The following TNRC6C variants were observed in gnomAD, a reference collection of about 807,000 sequenced individuals.
TNRC6C encodes trinucleotide repeat-containing gene 6C protein.
Under a neutral mutation model 153.7 loss-of-function variants are expected in TNRC6C, and 20 were observed. That is an observed-to-expected ratio of 0.13 (90% CI 0.09 to 0.19). The LOEUF (loss-of-function observed/expected upper bound fraction) is 0.19, where lower values mean the gene tolerates loss of function less well. Ranked by LOEUF, TNRC6C falls within the 10% of genes least tolerant of loss-of-function variation. TNRC6C has a pLI of 1.00. For missense variants in TNRC6C, 1,987 were observed against 2,172.0 expected (o/e 0.91, Z 1.69); for synonymous variants, 811 against 841.4 (o/e 0.96, Z 0.63).
intron 1 of TNRC6C, among the ~76,000 whole-genome samples, chr17:77,979,702 A>C (rs968763888): frequency 6.6e-6 from 1 of 152,206 alleles, no homozygotes; most frequent in African/African-American, 2.4e-5. Flanking sequence ...CAAAACTAAT[A>C]CAGACTTGCA....
chr17:77,993,151 G>A (rs981757971), intron 1 of TNRC6C, among the ~76,000 whole-genome samples: 14 of 151,988 alleles, frequency 9.2e-5, no homozygotes, highest in African/African-American at 2.4e-4. Flanking sequence ...TAGTAGAGAC[G>A]GGGTTTTACC....
At chr17:77,976,933 A>AG (rs2071007197) in intron 1 of TNRC6C, among the ~76,000 whole-genome samples, 1 of 80,366 alleles carries the variant, frequency 1.2e-5, no homozygotes, top group Non-Finnish European at 2.7e-5. Flanking sequence ...CCATCTCAGA[A>AG]AAAAAAAAAA....
At chr17:78,051,525 T>G in intron 3 of TNRC6C, 77 bp downstream of exon 5, 11 of 1,299,794 alleles carry the variant, frequency 8.5e-6, no homozygotes, top group East Asian at 2.7e-5. Context: ...TATTCATGAA[T>G]ACTCCGAGTA....
intron 10 of TNRC6C, among the ~76,000 whole-genome samples, chr17:78,081,620 C>T (rs895079829): frequency 6.6e-6 from 1 of 152,154 alleles, no homozygotes; most frequent in African/African-American, 2.4e-5. Flanking sequence ...TCGGGGGTGA[C>T]TCTGCCATAG....
intron 10 of TNRC6C, among the ~76,000 whole-genome samples, chr17:78,081,380 A>G (rs959493971): frequency 2.0e-5 from 3 of 152,150 alleles, no homozygotes; most frequent in Non-Finnish European, 4.4e-5. Flanking sequence ...CTCGCTCTGT[A>G]ATTGTTCAAA....
chr17:78,068,665 G>C (rs1340752482), intron 5 of TNRC6C, among the ~76,000 whole-genome samples: 2 of 152,110 alleles, frequency 1.3e-5, no homozygotes, highest in Admixed American at 6.5e-5. Flanking sequence ...GTGGTGGTGG[G>C]TGCCTGTAAT....
chr17:78,041,735 T>C (rs145057920), intron 2 of TNRC6C, among the ~76,000 whole-genome samples: 62 of 152,358 alleles, frequency 4.1e-4, no homozygotes, highest in African/African-American at 1.4e-3. Flanking sequence ...TTGTAGCATT[T>C]ATCCTGCCCC....
intron 8 of TNRC6C, 111 bp from the exon 11 acceptor site, chr17:78,077,074 A>C: frequency 8.1e-7 from 1 of 1,234,736 alleles, no homozygotes; most frequent in Non-Finnish European, 1.1e-6. Flanking sequence ...CACTTTTTTG[A>C]TCTGTTAATT....
At chr17:78,006,558 CTTCCTTCTTCCTTCTTCCTT>C (rs1309436461) in intron 1 of TNRC6C, among the ~76,000 whole-genome samples, 7 of 127,730 alleles carry the variant, frequency 5.5e-5, no homozygotes, top group African/African-American at 2.1e-4. Flanking sequence ...TCTTCTTCTT[CTTCCTTCTTCCTTCTTCCTT>C]CTTCTTCCTT....
At chr17:78,054,328 G>C (rs150780858) in intron 3 of TNRC6C, among the ~76,000 whole-genome samples, 1 of 152,068 alleles carries the variant, frequency 6.6e-6, no homozygotes, top group East Asian at 1.9e-4. Flanking sequence ...CACCACTGCA[G>C]ACTACTGCAC....
At chr17:78,096,907 G>C (rs1197912318) in intron 16 of TNRC6C, among the ~76,000 whole-genome samples, 1 of 152,222 alleles carries the variant, frequency 6.6e-6, no homozygotes, top group African/African-American at 2.4e-5. Flanking sequence ...GGATTGAGGT[G>C]CCTTAAGGAT....
At chr17:78,023,655 A>C (rs2071878490) in intron 1 of TNRC6C, among the ~76,000 whole-genome samples, 1 of 151,784 alleles carries the variant, frequency 6.6e-6, no homozygotes, top group Non-Finnish European at 1.5e-5. Flanking sequence ...AGATACAAAA[A>C]ATTAGCTGGG....
intron 6 of TNRC6C, 119 bp downstream of exon 8, chr17:78,071,284 G>A: frequency 1.0e-6 from 1 of 1,000,162 alleles, no homozygotes; most frequent in Non-Finnish European, 1.5e-6. Context: ...TGAGGAATGA[G>A]ATATTGACAT....
At chr17:77,978,541 A>G (rs1019766631) in intron 1 of TNRC6C, among the ~76,000 whole-genome samples, 5 of 152,222 alleles carry the variant, frequency 3.3e-5, no homozygotes, top group Non-Finnish European at 5.9e-5. Flanking sequence ...CCAAGATCCT[A>G]GAGAGAAGGG....
chr17:78,077,303 T>A, exon 9 of TNRC6C: 1 of 1,581,308 alleles, frequency 6.3e-7, no homozygotes, highest in Non-Finnish European at 8.6e-7. Flanking sequence ...GCCTCCGGGC[T>A]GGGCATGCAA....
exon 16 of TNRC6C, chr17:78,093,663 C>T (rs545514816): frequency 1.9e-6 from 3 of 1,613,950 alleles, no homozygotes; most frequent in Admixed American, 1.7e-5. Context: ...AGAATATTGA[C>T]CCTGAGAATG....
intron 2 of TNRC6C, among the ~76,000 whole-genome samples, chr17:78,034,145 C>T (rs1342619300): frequency 6.6e-6 from 1 of 152,094 alleles, no homozygotes; most frequent in Non-Finnish European, 1.5e-5. Flanking sequence ...CCTCTGCCTC[C>T]CAGGTTCAAG....
At chr17:78,016,218 C>T (rs566974355) in intron 1 of TNRC6C, among the ~76,000 whole-genome samples, 35 of 152,294 alleles carry the variant, frequency 2.3e-4, no homozygotes, top group Admixed American at 1.3e-3. Flanking sequence ...GGAAGCGGCA[C>T]TAACACTGTC....
intron 18 of TNRC6C, chr17:78,102,948 G>A: frequency 8.4e-6 from 2 of 236,844 alleles, no homozygotes; most frequent in Non-Finnish European, 1.7e-5. Context: ...ACCAGCCTGG[G>A]CAACATAGCA....
Sources: allele counts gnomAD v4.1 joint callset (sites outside exome capture counted in the v4.1 genomes callset), GRCh38; gene constraint gnomAD v4.1.1; transcripts MANE v1.5; gene names NCBI Gene and HGNC (gene_info 2026-07-23, HGNC 2026-07-21).